CACNB4: variants seen among roughly 807,000 people sequenced by gnomAD.
The protein encoded by CACNB4 is voltage-dependent L-type calcium channel subunit beta-4.
Under a neutral mutation model 71.2 loss-of-function variants are expected in CACNB4, and 32 were observed. That is an observed-to-expected ratio of 0.45 (90% confidence interval 0.34 to 0.60). CACNB4 has a LOEUF of 0.60. Among genes scored for constraint, CACNB4 ranks in the 20% least tolerant of loss-of-function variants. The pLI is 0.01. For synonymous variants in CACNB4, 231 were observed against 236.9 expected, an observed-to-expected ratio of 0.97 and a Z score of 0.23; for missense variants, 464 against 647.9, an observed-to-expected ratio of 0.72 and a Z score of 3.08.
intron 2 of CACNB4, among the ~76,000 whole-genome samples, chr2:151,954,493 C>T (rs1311875875): frequency 1.3e-5 from 2 of 152,100 alleles, no homozygotes; most frequent in African/African-American, 2.4e-5. Context: ...AATTATTGTA[C>T]CTTTATGTGT....
chr2:151,890,297 G>A (rs1436422474), intron 2 of CACNB4, among the ~76,000 whole-genome samples: 1 of 152,208 alleles, frequency 6.6e-6, no homozygotes, highest in Non-Finnish European at 1.5e-5. Flanking sequence ...TCTGACTAAA[G>A]CTCCTTTTTA....
intron 2 of CACNB4, among the ~76,000 whole-genome samples, chr2:151,947,488 AC>A (rs1449818499): frequency 6.6e-6 from 1 of 152,200 alleles, no homozygotes; most frequent in Admixed American, 6.5e-5. Context: ...CCTGTGGACC[AC>A]ACTTTAAGAG....
intron 2 of CACNB4, among the ~76,000 whole-genome samples, chr2:151,904,598 G>A (rs916976935): frequency 1.3e-5 from 2 of 149,478 alleles, no homozygotes; most frequent in African/African-American, 4.9e-5. Context: ...GCAGTGGTGC[G>A]ACCTCAGCTC....
chr2:151,921,162 TAAATAAATAAATAAATAAATA>T (rs1445057487), intron 2 of CACNB4, among the ~76,000 whole-genome samples: 1 of 64,534 alleles, frequency 1.5e-5, no homozygotes, highest in African/African-American at 3.9e-5. Flanking sequence ...AATAAATAAA[TAAATAAATAAATAAATAAATA>T]AGTTAAAAAA....
Position 152,081,456 on chromosome 2 carries a change from AG to A in CACNB4, c.147+16873del, listed in dbSNP as rs373629553. On this transcript the variant is annotated intron_variant, in intron 2 of 13. Coordinates refer to ENST00000539935, the MANE Select transcript of CACNB4 (RefSeq NM_000726.5). ...TTACTTGAGCCAGGAGTTCAAGTTC[AG>A]CCTGGGTAACACAGCAAGACCCTGT... Among the ~76,000 whole-genome samples the A allele has an allele frequency of 5.9e-5, 9 of 152,244 alleles. No homozygotes were observed. The South Asian group carries it at 1.0e-3, about 18-fold the overall frequency.
intron 2 of CACNB4, among the ~76,000 whole-genome samples, chr2:152,013,629 T>C (rs1284593600): frequency 6.6e-6 from 1 of 152,110 alleles, no homozygotes; most frequent in East Asian, 1.9e-4. Flanking sequence ...CACAAAAGCA[T>C]GCCCCGTGCA....
At chr2:151,951,810 C>T (rs932378556) in intron 2 of CACNB4, among the ~76,000 whole-genome samples, 15 of 152,348 alleles carry the variant, frequency 9.8e-5, no homozygotes, top group Middle Eastern at 6.8e-3. Flanking sequence ...GATTAAACCT[C>T]CTTCCTCTGG....
At chr2:152,008,479 G>T (rs1157442411) in intron 2 of CACNB4, among the ~76,000 whole-genome samples, 1 of 151,746 alleles carries the variant, frequency 6.6e-6, no homozygotes, top group Non-Finnish European at 1.5e-5. Flanking sequence ...TAGAGACAGG[G>T]TTTCACTGTC....
intron 2 of CACNB4, among the ~76,000 whole-genome samples, chr2:151,949,044 T>C (rs1445831970): frequency 6.6e-6 from 1 of 151,952 alleles, no homozygotes. Context: ...TCTTTTTCTT[T>C]GCCTGACCTG....
At position 152,007,723 on chromosome 2, in the gene CACNB4, T is replaced by C. The variant is rs114494728; in HGVS notation, c.147+90607A>G. On this transcript the variant is annotated intron_variant, in intron 2 of 13. Coordinates refer to ENST00000539935, the MANE Select transcript of CACNB4 (RefSeq NM_000726.5). ...TTCAAATTCCTGCTTTCAGTCCTTA[T>C]GGGCATATATTCAGAAGTGGAATTG... is the stretch of plus-strand genomic sequence containing the variant. 1.2e-3 allele frequency among the ~76,000 whole-genome samples: 184 copies of C among 152,334 alleles called. 1 individual carries two copies. The highest frequency in any genetic ancestry group is 4.3e-3 in the African/African-American group (177 of 41,564).
At chr2:151,870,160 AGATT>A (rs1389179777) in intron 8 of CACNB4, 3 of 639,086 alleles carry the variant, frequency 4.7e-6, no homozygotes, top group Middle Eastern at 3.7e-4. Flanking sequence ...GTTTGCTGGA[AGATT>A]GATTGTTTGT....
chr2:152,088,506 ATTCTT>A (rs1687795093), intron 2 of CACNB4, among the ~76,000 whole-genome samples: 1 of 152,258 alleles, frequency 6.6e-6, no homozygotes, highest in Admixed American at 6.5e-5. Flanking sequence ...AGAAATGCAT[ATTCTT>A]TTCAAGTTTA....
At chr2:152,000,008 G>C (rs1288694253) in intron 2 of CACNB4, among the ~76,000 whole-genome samples, 1 of 152,190 alleles carries the variant, frequency 6.6e-6, no homozygotes, top group East Asian at 1.9e-4. Context: ...TCAAAGCATT[G>C]TGTCATCAAT....
At chr2:152,077,565 C>CA (rs964562502) in intron 2 of CACNB4, among the ~76,000 whole-genome samples, 11 of 151,608 alleles carry the variant, frequency 7.3e-5, no homozygotes, top group Non-Finnish European at 1.5e-4. Context: ...AACAAACAAA[C>CA]AAAAAAATAC....
In CACNB4 at chr2:151,875,807, C is replaced by T. The variant is rs1416586123; in HGVS notation, c.521+619G>A. On this transcript the variant is annotated intron_variant, in intron 5 of 13. Coordinates refer to ENST00000539935, the MANE Select transcript of CACNB4 (RefSeq NM_000726.5). Reference sequence around the variant, plus strand: ...CTGGCCGGGCAGGGGGCTGACCCCCCACCTCCCTCCCGGACGGGGCGTCTC... The same window carrying T: ...CTGGCCGGGCAGGGGGCTGACCCCCTACCTCCCTCCCGGACGGGGCGTCTC... Among the ~76,000 whole-genome samples the T allele has an allele frequency of 1.5e-5, 2 of 135,514 alleles. 1 individual carries two copies. The highest frequency in any genetic ancestry group is 5.0e-4 in the East Asian group (2 of 3,992). 88.9% of individuals were successfully genotyped at this position (135,514 alleles called of 152,430 possible). A position where few individuals can be genotyped will look rare whatever the true frequency, so the allele number is the denominator to read the frequency against.
At chr2:152,043,055 T>C (rs1368350693) in intron 2 of CACNB4, among the ~76,000 whole-genome samples, 1 of 152,092 alleles carries the variant, frequency 6.6e-6, no homozygotes, top group Admixed American at 6.6e-5. Context: ...GAAGTTACCC[T>C]GTATGGTCTA....
intron 2 of CACNB4, among the ~76,000 whole-genome samples, chr2:152,091,266 CA>C (rs1015653476): frequency 6.6e-6 from 1 of 152,046 alleles, no homozygotes; most frequent in African/African-American, 2.4e-5. Context: ...ATTCATTGCA[CA>C]AAAAACTCAC....
In CACNB4 at chr2:152,007,237, G is replaced by A. The variant is rs896371226; in HGVS notation, c.147+91093C>T. Among the ~76,000 whole-genome samples the A allele has an allele frequency of 4.6e-5, 7 of 151,976 alleles. No homozygotes were observed. The East Asian group carries it at 7.7e-4, about 17-fold the overall frequency. On this transcript the variant is annotated intron_variant, in intron 2 of 13. Coordinates refer to ENST00000539935, the MANE Select transcript of CACNB4 (RefSeq NM_000726.5). ...ACAAAATGTAGCATTTTAACCATCC[G>A]TAAGTGTGCAGTTCAGTGATATTAA...
chr2:151,949,611 C>A (rs996437468), intron 2 of CACNB4, among the ~76,000 whole-genome samples: 16 of 152,018 alleles, frequency 1.1e-4, no homozygotes, highest in African/African-American at 3.9e-4. Flanking sequence ...GAGGGAGAAG[C>A]CGAGGCTGAG....
Sources: gnomAD v4.1 joint callset for allele counts (sites outside exome capture counted in the v4.1 genomes callset) on GRCh38, gnomAD v4.1.1 for gene constraint, MANE v1.5 for transcripts, NCBI Gene and HGNC (gene_info 2026-07-23, HGNC 2026-07-21) for gene names.